The following CAMTA1 variants were observed in gnomAD, a reference collection of about 807,000 sequenced individuals.
CAMTA1 encodes the protein calmodulin-binding transcription activator 1.
CAMTA1 carries 27 observed loss-of-function variants against 170.9 expected under a neutral mutation model. That is an observed-to-expected ratio of 0.16 (90% CI 0.12 to 0.22). The LOEUF is 0.22. CAMTA1 is among the 10% of genes least tolerant of loss of function. CAMTA1 has a pLI of 1.00. For missense variants in CAMTA1, 1,619 were observed against 2,217.2 expected (o/e 0.73, Z 5.42); for synonymous variants, 833 against 891.5 (o/e 0.93, Z 1.17).
At chr1:7,537,787 C>T (rs1276574198) in intron 6 of CAMTA1, among the ~76,000 whole-genome samples, 1 of 152,188 alleles carries the variant, frequency 6.6e-6, no homozygotes, top group South Asian at 2.1e-4. Flanking sequence ...CAGCAAATGC[C>T]CCCAAACCAT....
intron 3 of CAMTA1, among the ~76,000 whole-genome samples, chr1:6,951,504 G>A (rs900491890): frequency 5.3e-5 from 8 of 152,150 alleles, no homozygotes; most frequent in African/African-American, 7.2e-5. Context: ...AAATGTCTCC[G>A]TTTTCTCCTC....
At position 7,010,204 on chromosome 1, in the gene CAMTA1, G is replaced by T. The variant is rs1311412477; in HGVS notation, c.235-81100G>T. Reference sequence around the variant, plus strand: ...CTTCCTGGAGCTTGGGGAAGCTTCAGTCCAGAGAAGACAGAGGACTTGACT... The same window carrying T: ...CTTCCTGGAGCTTGGGGAAGCTTCATTCCAGAGAAGACAGAGGACTTGACT... On this transcript the variant is annotated intron_variant, in intron 3 of 22. Coordinates refer to ENST00000303635, the MANE Select transcript of CAMTA1 (RefSeq NM_015215.4). This position sits in a 1 kb window ranked among gnomAD's most constrained non-coding sequence, Gnocchi z 4.4. Among the ~76,000 whole-genome samples the T allele has an allele frequency of 1.3e-5, 2 of 152,234 alleles. No individual in the cohort carries two copies. Among genetic ancestry groups the T allele is most frequent in the Non-Finnish European group, 2.9e-5 (2 of 68,038 alleles).
intron 6 of CAMTA1, among the ~76,000 whole-genome samples, chr1:7,615,657 A>T (rs1345919466): frequency 6.6e-6 from 1 of 152,246 alleles, no homozygotes; most frequent in Non-Finnish European, 1.5e-5. Context: ...GTAGAAGTCC[A>T]GGTGAGGGGG....
intron 3 of CAMTA1, among the ~76,000 whole-genome samples, chr1:6,995,192 G>A (rs1175552122): frequency 6.6e-6 from 1 of 150,426 alleles, no homozygotes; most frequent in Non-Finnish European, 1.5e-5. Flanking sequence ...AGTATTTATC[G>A]GTGCCAGCAC....
intron 3 of CAMTA1, among the ~76,000 whole-genome samples, chr1:7,071,841 C>T (rs1638688980): frequency 1.3e-5 from 2 of 152,182 alleles, no homozygotes; most frequent in Non-Finnish European, 2.9e-5. Flanking sequence ...CCCGTGTCCT[C>T]CTGCCTGGGG....
chr1:6,997,261 T>G (rs180801474), intron 3 of CAMTA1, among the ~76,000 whole-genome samples: 1 of 151,630 alleles, frequency 6.6e-6, no homozygotes, highest in East Asian at 1.9e-4. Flanking sequence ...GTTTTTTGCT[T>G]TGTGTGTGTG....
intron 9 of CAMTA1, among the ~76,000 whole-genome samples, chr1:7,666,736 C>T (rs959847808): frequency 1.1e-4 from 16 of 152,160 alleles, no homozygotes; most frequent in African/African-American, 3.9e-4. Flanking sequence ...CCTTCTTCCC[C>T]GCTGGCAAAG....
intron 11 of CAMTA1, among the ~76,000 whole-genome samples, chr1:7,729,265 C>T (rs936001028): frequency 2.6e-5 from 4 of 151,926 alleles, no homozygotes; most frequent in African/African-American, 9.7e-5. Context: ...TACAGGCATA[C>T]ACCACCACAC....
At chr1:6,821,702 T>G (rs1646504143) in intron 2 of CAMTA1, among the ~76,000 whole-genome samples, 1 of 152,164 alleles carries the variant, frequency 6.6e-6, no homozygotes, top group East Asian at 1.9e-4. Context: ...CTAGATTAGT[T>G]AATATAGTTA....
In CAMTA1 at chr1:7,286,144, G is replaced by A. The variant is rs1672315008; in HGVS notation, c.438+36518G>A. The stretch of plus-strand genomic sequence containing the variant: ...GGTGTGCACAGCCTGCGTGCTGAGG[G>A]GATGAGTGAGCCTGCTGGTGGGGGG... On this transcript the variant is annotated intron_variant, in intron 5 of 22. Coordinates refer to ENST00000303635, the MANE Select transcript of CAMTA1 (RefSeq NM_015215.4). This position sits in a 1 kb window ranked among gnomAD's most constrained non-coding sequence, Gnocchi z 4.2. Among the ~76,000 whole-genome samples, 1 of 152,200 alleles carries A rather than the reference G, an allele frequency of 6.6e-6. No homozygotes were observed. Among genetic ancestry groups the A allele is most frequent in the Non-Finnish European group, 1.5e-5 (1 of 68,034 alleles).
intron 5 of CAMTA1, among the ~76,000 whole-genome samples, chr1:7,410,329 GC>G (rs1174193649): frequency 6.6e-6 from 1 of 152,198 alleles, no homozygotes; most frequent in Non-Finnish European, 1.5e-5. Flanking sequence ...CGGCAGAGCT[GC>G]CCCCTGAGCT....
chr1:7,281,762 G>T (rs1240432991), intron 5 of CAMTA1, among the ~76,000 whole-genome samples: 1 of 148,446 alleles, frequency 6.7e-6, no homozygotes, highest in Non-Finnish European at 1.5e-5. Context: ...AATCCATGTG[G>T]ATTTTTTTTG....
At chr1:6,979,715 A>C (rs961399961) in intron 3 of CAMTA1, among the ~76,000 whole-genome samples, 1 of 152,194 alleles carries the variant, frequency 6.6e-6, no homozygotes, top group Non-Finnish European at 1.5e-5. Context: ...AAAACTAAAA[A>C]TCATGAAGCT....
chr1:6,840,414 A>C (rs892443410), intron 3 of CAMTA1, among the ~76,000 whole-genome samples: 2 of 152,118 alleles, frequency 1.3e-5, no homozygotes, highest in Non-Finnish European at 2.9e-5. Flanking sequence ...GGGAGTGAGA[A>C]GTGGATGTAT....
intron 11 of CAMTA1, among the ~76,000 whole-genome samples, chr1:7,723,824 TG>T: frequency 6.6e-6 from 1 of 152,330 alleles, no homozygotes; most frequent in African/African-American, 2.4e-5. Flanking sequence ...GTTAAATTTT[TG>T]TTTGGAGATA....
chr1:7,371,744 T>C (rs2086489092), intron 5 of CAMTA1, among the ~76,000 whole-genome samples: 1 of 152,272 alleles, frequency 6.6e-6, no homozygotes, highest in Non-Finnish European at 1.5e-5. Context: ...ATTTGACAGA[T>C]GAACCCGTTT....
rs958262944 is a variant in CAMTA1, at chr1:7,746,193, T to A, written c.4617+102T>A. The A allele has an allele frequency of 1.1e-4, 158 of 1,387,456 alleles. 1 individual carries two copies. The highest frequency in any genetic ancestry group is 1.4e-4 in the Non-Finnish European group (147 of 1,024,588). 85.9% of individuals were successfully genotyped at this position (1,387,456 alleles called of 1,614,324 possible). ...CAAAAACATTTACTATTTCTTTTTTTCCTCTGAATTTGTAGAATTTTTTTG... is the reference window on the plus strand; with the variant it reads ...CAAAAACATTTACTATTTCTTTTTTACCTCTGAATTTGTAGAATTTTTTTG... On this transcript the variant is annotated intron_variant, in intron 18 of 22. Coordinates refer to ENST00000303635, the MANE Select transcript of CAMTA1 (RefSeq NM_015215.4).
rs1196684751 is a variant in CAMTA1, at chr1:7,680,821, T to TGGGTCCGGGGCGC, written c.2914+3089_2914+3101dup. On this transcript the variant is annotated intron_variant, in intron 11 of 22. Coordinates refer to ENST00000303635, the MANE Select transcript of CAMTA1 (RefSeq NM_015215.4). The surrounding 1 kb of genome is among the most constrained non-coding windows in gnomAD (Gnocchi z 4.4). ...CTTGGCTAAAGGCCGGGGGGGGGCG[T>TGGGTCCGGGGCGC]GGGTCCGGGGCGCAGAGAACACGCG... Among the ~76,000 whole-genome samples the TGGGTCCGGGGCGC allele has an allele frequency of 7.5e-6, 1 of 133,520 alleles. No individual in the cohort carries two copies. 87.6% of individuals were successfully genotyped at this position (133,520 alleles called of 152,430 possible). A position where few individuals can be genotyped will look rare whatever the true frequency, so the allele number is the denominator to read the frequency against.
chr1:7,208,086 A>G (rs898815634), intron 4 of CAMTA1, among the ~76,000 whole-genome samples: 2 of 152,200 alleles, frequency 1.3e-5, no homozygotes, highest in Non-Finnish European at 2.9e-5. Flanking sequence ...CCAACAGCAC[A>G]CCCTCCAGGC....
Sources: gnomAD v4.1 joint callset for allele counts (sites outside exome capture counted in the v4.1 genomes callset) on GRCh38, gnomAD v4.1.1 for gene constraint, Gnocchi (gnomAD v3.1) non-coding constraint, MANE v1.5 for transcripts, NCBI Gene and HGNC (gene_info 2026-07-23, HGNC 2026-07-21) for gene names.